The following CTSC variants were observed in gnomAD, a reference collection of about 807,000 sequenced individuals.
CTSC encodes the protein cathepsin C.
In CTSC, 37 loss-of-function variants were observed where a neutral mutation model predicts 40.9. The ratio of observed to expected loss-of-function variants is 0.91; its 90% confidence interval spans 0.70 to 1.19. CTSC has a LOEUF of 1.19. Ranked by LOEUF, CTSC falls within the 50% of genes most tolerant of loss-of-function variation. The pLI is 0.00. For missense variants in CTSC, 594 were observed against 567.3 expected, an observed-to-expected ratio of 1.05 and a Z score of -0.48; for synonymous variants, 232 against 207.4, an observed-to-expected ratio of 1.12 and a Z score of -1.02.
chr11:88,294,560 C>A, intron 6 of CTSC, 52 bp from the exon 7 acceptor site: 1 of 1,603,068 alleles, frequency 6.2e-7, no homozygotes, highest in Non-Finnish European at 8.5e-7. Flanking sequence ...AGGATTATCC[C>A]ATTTTCTATT....
chr11:88,317,431 T>C (rs1262273561), intron 2 of CTSC, among the ~76,000 whole-genome samples: 1 of 150,686 alleles, frequency 6.6e-6, no homozygotes, highest in Admixed American at 6.6e-5. Flanking sequence ...TTTATACTAT[T>C]CTTACAATCT....
chr11:88,309,250 C>G lies in CTSC; in HGVS notation c.554G>C (p.Trp185Ser), dbSNP rs1937697765. Reference sequence around the variant, plus strand: ...ATATTCCATGTATGTAGTTGCAGTCCAAGACTTCTGAATGGCATTGATAGC... The same window carrying G: ...ATATTCCATGTATGTAGTTGCAGTCGAAGACTTCTGAATGGCATTGATAGC... ...VKAINAIQKS[W>S]TATTYMEYET... The change falls in exon 4 of 7, where the codon TGG (tryptophan) becomes TCG (serine). Residue 185 changes from tryptophan (W) to serine (S), a missense_variant. Physicochemically the swap from Trp to Ser is radical, Grantham distance 177 (BLOSUM62 -3). Coordinates refer to ENST00000227266, the MANE Select transcript of CTSC (RefSeq NM_001814.6). The G allele has an allele frequency of 6.2e-7, 1 of 1,613,728 alleles. No homozygotes were observed. The highest frequency in any genetic ancestry group is 2.2e-5 in the East Asian group (1 of 44,862).
intron 4 of CTSC, among the ~76,000 whole-genome samples, chr11:88,304,832 T>C (rs1303728037): frequency 1.3e-5 from 2 of 152,156 alleles, no homozygotes; most frequent in Non-Finnish European, 2.9e-5. Flanking sequence ...GTTTGGTGGC[T>C]CACATCTGTA....
intron 2 of CTSC, chr11:88,322,110 T>A (rs1420415058): frequency 6.6e-6 from 1 of 152,222 alleles, no homozygotes; most frequent in Non-Finnish European, 1.5e-5. Context: ...TTTTTTCTTG[T>A]AAATTTGTTA....
rs181685520 is a variant in CTSC at position 88,337,717 on chromosome 11, G to A, written c.-45C>T. ...AGAGGTGAAGAATTACCAGGAAGCCGAGCGCTGCGGGCTAGCGGTGAGTCC... is the reference window on the plus strand; with the variant it reads ...AGAGGTGAAGAATTACCAGGAAGCCAAGCGCTGCGGGCTAGCGGTGAGTCC... On this transcript the variant is annotated 5_prime_UTR_variant, in exon 1 of 7. Transcript: ENST00000227266. The A allele has an allele frequency of 1.3e-6, 2 of 1,548,524 alleles. No individual in the cohort carries two copies. The highest frequency in any genetic ancestry group is 1.4e-5 in the African/African-American group (1 of 73,074).
At chr11:88,327,135 G>C (rs1233728394) in intron 2 of CTSC, among the ~76,000 whole-genome samples, 2 of 152,144 alleles carry the variant, frequency 1.3e-5, no homozygotes, top group African/African-American at 4.8e-5. Context: ...AGAAGAAACA[G>C]CTTACTAATT....
intron 5 of CTSC, 61 bp downstream of exon 5, chr11:88,300,469 A>C: frequency 9.9e-7 from 1 of 1,007,372 alleles, no homozygotes; most frequent in African/African-American, 1.6e-5. Context: ...CATCACACAG[A>C]GCAACTGTTC....
chr11:88,318,961 A>T (rs1243532746), intron 2 of CTSC, among the ~76,000 whole-genome samples: 1 of 152,138 alleles, frequency 6.6e-6, no homozygotes, highest in African/African-American at 2.4e-5. Flanking sequence ...TTCCACTATT[A>T]TTTAATATAT....
intron 2 of CTSC, among the ~76,000 whole-genome samples, chr11:88,329,718 G>T (rs539297466): frequency 4.0e-5 from 6 of 151,750 alleles, no homozygotes; most frequent in Admixed American, 6.6e-5. Flanking sequence ...TTGTTACATT[G>T]TGTGTGTGTG....
At chr11:88,296,397 G>A in intron 5 of CTSC, 133 bp from the exon 6 acceptor site, 1 of 1,118,398 alleles carries the variant, frequency 8.9e-7, no homozygotes, top group Non-Finnish European at 1.3e-6. Flanking sequence ...AGCACAATAA[G>A]AAGACTCAAC....
intron 5 of CTSC, among the ~76,000 whole-genome samples, chr11:88,300,257 C>T (rs1036968938): frequency 1.3e-5 from 2 of 152,168 alleles, no homozygotes; most frequent in Admixed American, 1.3e-4. Context: ...ATGAGTTTGT[C>T]TTACATATCA....
In CTSC at chr11:88,337,681, G is replaced by A. The variant is rs775826932; in HGVS notation, c.-9C>T. On this transcript the variant is annotated 5_prime_UTR_variant, in exon 1 of 7. Coordinates refer to ENST00000227266, the MANE Select transcript of CTSC (RefSeq NM_001814.6). ...GAGGGCCCAGCACCCATGCTGCAGGGAGCTGAGAAAAGAGGTGAAGAATTA... is the reference window on the plus strand; with the variant it reads ...GAGGGCCCAGCACCCATGCTGCAGGAAGCTGAGAAAAGAGGTGAAGAATTA... The A allele has an allele frequency of 3.2e-6, 5 of 1,567,746 alleles. No individual in the cohort carries two copies. The Admixed American group carries it at 5.6e-5, about 18-fold the overall frequency.
chr11:88,326,036 G>GA (rs889476768), intron 2 of CTSC: 3 of 1,073,076 alleles, frequency 2.8e-6, no homozygotes, highest in Admixed American at 9.6e-5. Flanking sequence ...GACAATCTTA[G>GA]AAAAAAATCA....
intron 1 of CTSC, 29 bp downstream of exon 1, chr11:88,337,472 C>G: frequency 1.9e-6 from 3 of 1,556,618 alleles, no homozygotes; most frequent in South Asian, 1.2e-5. Flanking sequence ...GAAAGGACGA[C>G]CCGGAGGACT....
intron 4 of CTSC, among the ~76,000 whole-genome samples, chr11:88,306,638 C>T (rs1937640217): frequency 6.6e-6 from 1 of 152,180 alleles, no homozygotes; most frequent in Admixed American, 6.5e-5. Context: ...TCCCCTCCAT[C>T]CTCCTTCTCT....
intron 4 of CTSC, among the ~76,000 whole-genome samples, chr11:88,307,514 A>G (rs1937660753): frequency 6.6e-6 from 1 of 152,032 alleles, no homozygotes; most frequent in South Asian, 2.1e-4. Context: ...TAAAGATGAA[A>G]AATGCCACCT....
chr11:88,330,718 A>C (rs1051628946), intron 2 of CTSC, among the ~76,000 whole-genome samples: 4 of 152,198 alleles, frequency 2.6e-5, no homozygotes, highest in Non-Finnish European at 5.9e-5. Flanking sequence ...TTTAGATGTC[A>C]AACTTTTATT....
At chr11:88,303,569 G>C (rs771985950) in intron 4 of CTSC, among the ~76,000 whole-genome samples, 1 of 152,186 alleles carries the variant, frequency 6.6e-6, no homozygotes, top group Non-Finnish European at 1.5e-5. Context: ...GGGGGAAGGG[G>C]CACACAGCTT....
chr11:88,296,785 C>T (rs1262391997), intron 5 of CTSC: 1 of 182,288 alleles, frequency 5.5e-6, no homozygotes, highest in East Asian at 1.4e-4. Context: ...ATACAAAAGG[C>T]TCCAGAGAGA....
Sources: gnomAD v4.1 joint callset for allele counts (sites outside exome capture counted in the v4.1 genomes callset) on GRCh38, gnomAD v4.1.1 for gene constraint, MANE v1.5 for transcripts, NCBI Gene and HGNC (gene_info 2026-07-23, HGNC 2026-07-21) for gene names.